The following YPEL2 variants were observed in gnomAD, a reference collection of about 807,000 sequenced individuals.
YPEL2 encodes yippee like 2.
A neutral mutation model predicts 19.1 loss-of-function variants in YPEL2; 2 were observed. The ratio of observed to expected loss-of-function variants is 0.10; its 90% CI spans 0.04 to 0.33. The LOEUF (loss-of-function observed/expected upper bound fraction) is 0.33, where lower values mean the gene tolerates loss of function less well. Among genes scored for constraint, YPEL2 ranks in the 10% least tolerant of loss-of-function variants. The pLI, the probability that YPEL2 is intolerant of heterozygous loss-of-function variation, is 1.00. For missense variants in YPEL2, 66 were observed against 140.7 expected (o/e 0.47, Z 2.68); for synonymous variants, 52 against 50.0 (o/e 1.04, Z -0.17).
chr17:59,395,449 G>A (rs1020058273), intron 4 of YPEL2, among the ~76,000 whole-genome samples: 1 of 152,200 alleles, frequency 6.6e-6, no homozygotes, highest in South Asian at 2.1e-4. Flanking sequence ...AGACACAGAT[G>A]ACCAGTGTTT....
intron 1 of YPEL2, among the ~76,000 whole-genome samples, chr17:59,343,001 C>T (rs781380235): frequency 2.6e-5 from 4 of 152,156 alleles, no homozygotes; most frequent in South Asian, 2.1e-4. Flanking sequence ...GAGCAGGAAA[C>T]GTTTCTGCTG....
Position 59,398,268 on chromosome 17 carries a change from TTCGG to T in YPEL2, c.*1080_*1083del. The T allele has an allele frequency of 6.6e-6, 1 of 152,308 alleles. No individual in the cohort carries two copies. Among genetic ancestry groups the T allele is most frequent in the South Asian group, 2.1e-4 (1 of 4,826 alleles). The allele number at this position is 152,308 out of a possible 1,614,324, so 9.4% of individuals were successfully genotyped here. Reference sequence around the variant, plus strand: ...GTTCAGGTTCGGTGCATCTTTCCTCTTCGGTTTTACAGTGGCTTCCGTGGGATCG... The same window carrying T: ...GTTCAGGTTCGGTGCATCTTTCCTCTTTTTACAGTGGCTTCCGTGGGATCG... On this transcript the variant is annotated 3_prime_UTR_variant, in exon 5 of 5. Coordinates refer to ENST00000312655, the MANE Select transcript of YPEL2 (RefSeq NM_001005404.4).
chr17:59,350,388 G>A (rs1457576276), intron 1 of YPEL2, among the ~76,000 whole-genome samples: 2 of 152,190 alleles, frequency 1.3e-5, no homozygotes, highest in African/African-American at 4.8e-5. Flanking sequence ...TAGGAAAGGA[G>A]TCCCTCTCTA....
intron 1 of YPEL2, among the ~76,000 whole-genome samples, chr17:59,335,160 A>T (rs1175809352): frequency 6.6e-6 from 1 of 152,176 alleles, no homozygotes; most frequent in African/African-American, 2.4e-5. Flanking sequence ...TATTTTTTAG[A>T]GTTGTTAGTT....
chr17:59,368,170 A>C (rs1449165429), intron 2 of YPEL2, among the ~76,000 whole-genome samples: 1 of 152,082 alleles, frequency 6.6e-6, no homozygotes, highest in Non-Finnish European at 1.5e-5. Flanking sequence ...TGCAGCCACA[A>C]CTTCCCAGGC....
At chr17:59,347,496 TCTC>T (rs2047762338) in intron 1 of YPEL2, among the ~76,000 whole-genome samples, 1 of 152,122 alleles carries the variant, frequency 6.6e-6, no homozygotes, top group Non-Finnish European at 1.5e-5. Flanking sequence ...CGTGGTCAGA[TCTC>T]CTTTTTAAAT....
chr17:59,368,072 C>A (rs911736913), intron 2 of YPEL2, among the ~76,000 whole-genome samples: 12 of 152,240 alleles, frequency 7.9e-5, no homozygotes, highest in Admixed American at 2.6e-4. Context: ...GATACAAATA[C>A]AGAAATGGAT....
intron 4 of YPEL2, among the ~76,000 whole-genome samples, chr17:59,390,400 C>G (rs955443067): frequency 1.1e-4 from 16 of 152,174 alleles, no homozygotes; most frequent in African/African-American, 3.9e-4. Context: ...ACTTGGCCTC[C>G]CAAAGTGCTG....
intron 2 of YPEL2, among the ~76,000 whole-genome samples, chr17:59,379,568 G>C (rs1246642026): frequency 6.6e-6 from 1 of 152,178 alleles, no homozygotes; most frequent in Non-Finnish European, 1.5e-5. Flanking sequence ...CATAGAGACC[G>C]ACAGTAGATT....
chr17:59,364,612 C>CTTTTTTTT (rs56282847), intron 2 of YPEL2, among the ~76,000 whole-genome samples: 1 of 108,704 alleles, frequency 9.2e-6, no homozygotes, highest in Non-Finnish European at 1.8e-5. Flanking sequence ...CCCTCTGTGT[C>CTTTTTTTT]TTTTTTTTTT....
chr17:59,374,386 C>G (rs2047910393), intron 2 of YPEL2, among the ~76,000 whole-genome samples: 1 of 152,206 alleles, frequency 6.6e-6, no homozygotes, highest in African/African-American at 2.4e-5. Flanking sequence ...ATGACCCTTT[C>G]AAGTAACACT....
At chr17:59,333,243 T>C (rs1022535878) in intron 1 of YPEL2, among the ~76,000 whole-genome samples, 5 of 152,222 alleles carry the variant, frequency 3.3e-5, no homozygotes, top group Non-Finnish European at 5.9e-5. Flanking sequence ...TGGGGAGAGC[T>C]GTGCAGACTT....
chr17:59,354,287 G>C (rs12936336), intron 2 of YPEL2: 15,082 of 152,104 alleles, frequency 0.099, 1,033 homozygotes, highest in African/African-American at 0.19. Flanking sequence ...TTACTAGGCT[G>C]CATGACAAAG....
At chr17:59,340,269 C>T (rs1032115480) in intron 1 of YPEL2, among the ~76,000 whole-genome samples, 13 of 151,942 alleles carry the variant, frequency 8.6e-5, no homozygotes, top group African/African-American at 2.2e-4. Context: ...CCACTACGCC[C>T]GGCTAATTTT....
At chr17:59,389,338 C>G (rs763462925) in intron 3 of YPEL2, 22 bp from the exon 4 acceptor site, 9 of 1,604,906 alleles carry the variant, frequency 5.6e-6, no homozygotes, top group Non-Finnish European at 6.0e-6. Context: ...TACCCACTCT[C>G]TCTTCTTGTG....
At chr17:59,377,423 G>T (rs1218304777) in intron 2 of YPEL2, among the ~76,000 whole-genome samples, 1 of 152,186 alleles carries the variant, frequency 6.6e-6, no homozygotes, top group South Asian at 2.1e-4. Context: ...CACCGTCAGT[G>T]TCTAACTCAG....
rs1166997630 is a variant in YPEL2 at position 59,398,463 on chromosome 17, C to A, written c.*1273C>A. The A allele has an allele frequency of 1.3e-5, 2 of 152,096 alleles. No individual in the cohort carries two copies. Among genetic ancestry groups the A allele is most frequent in the African/African-American group, 2.4e-5 (1 of 41,358 alleles). 9.4% of individuals were successfully genotyped at this position (152,096 alleles called of 1,614,324 possible). A position where few individuals can be genotyped will look rare whatever the true frequency, so the allele number is the denominator to read the frequency against. On this transcript the variant is annotated 3_prime_UTR_variant, in exon 5 of 5. Coordinates refer to ENST00000312655, the MANE Select transcript of YPEL2 (RefSeq NM_001005404.4). ...CTGAATGTCTTGCATGGAGAGAAATCTCCTGTCAGTGTGGTCCAGCAGCAG... is the reference window on the plus strand; with the variant it reads ...CTGAATGTCTTGCATGGAGAGAAATATCCTGTCAGTGTGGTCCAGCAGCAG...
chr17:59,372,226 C>G (rs944432839), intron 2 of YPEL2, among the ~76,000 whole-genome samples: 1 of 152,204 alleles, frequency 6.6e-6, no homozygotes, highest in Non-Finnish European at 1.5e-5. Flanking sequence ...ACCCTGGCCT[C>G]TGAATTTTCC....
At chr17:59,395,477 G>T (rs968849509) in intron 4 of YPEL2, among the ~76,000 whole-genome samples, 1 of 152,168 alleles carries the variant, frequency 6.6e-6, no homozygotes, top group Non-Finnish European at 1.5e-5. Context: ...AATACACCAA[G>T]ATGTTCTTAT....
Sources: allele counts gnomAD v4.1 joint callset (sites outside exome capture counted in the v4.1 genomes callset), GRCh38; gene constraint gnomAD v4.1.1; transcripts MANE v1.5; gene names NCBI Gene and HGNC (gene_info 2026-07-23, HGNC 2026-07-21).